The following ENPP1 variants were observed in gnomAD, a reference collection of about 807,000 sequenced individuals.
The protein encoded by ENPP1 is ectonucleotide pyrophosphatase/phosphodiesterase 1, also known as ectonucleotide pyrophosphatase/phosphodiesterase family member 1.
ENPP1 carries 73 observed loss-of-function variants against 122.8 expected under a neutral mutation model. That is an observed-to-expected ratio of 0.59 (90% CI 0.49 to 0.72). The LOEUF (loss-of-function observed/expected upper bound fraction) is 0.72, where lower values mean the gene tolerates loss of function less well. ENPP1 is among the 30% of genes least tolerant of loss of function. The pLI, the probability that ENPP1 is intolerant of heterozygous loss-of-function variation, is 0.00. For synonymous variants in ENPP1, 367 were observed against 391.6 expected, an observed-to-expected ratio of 0.94 and a Z score of 0.74; for missense variants, 978 against 1,128.1, an observed-to-expected ratio of 0.87 and a Z score of 1.91.
intron 2 of ENPP1, among the ~76,000 whole-genome samples, chr6:131,848,553 T>C (rs1238056081): frequency 6.6e-6 from 1 of 152,188 alleles, no homozygotes; most frequent in Non-Finnish European, 1.5e-5. Flanking sequence ...TATTAAGCTA[T>C]CATGTACTGT....
At chr6:131,828,376 T>C in intron 1 of ENPP1, 1 of 393,150 alleles carries the variant, frequency 2.5e-6, no homozygotes, top group South Asian at 2.5e-5. Flanking sequence ...TGACTGGGTG[T>C]CTGCTAGTAA....
In ENPP1 at chr6:131,886,543, A is replaced by AT; in HGVS notation, c.2445-18dup. The AT allele has an allele frequency of 6.3e-7, 1 of 1,584,188 alleles. No homozygotes were observed. The highest frequency in any genetic ancestry group is 8.7e-7 in the Non-Finnish European group (1 of 1,153,284). On this transcript the variant is annotated intron_variant, in intron 23 of 24. Transcript: ENST00000647893. ...GATAGTTATTTCTTTCTTAAAATGA[A>AT]TATTGGCATGTTTTACAGAAAAAGA...
At position 131,891,413 on chromosome 6, in the gene ENPP1, G is replaced by A. The variant is rs572823916; in HGVS notation, c.*902G>A. The A allele has an allele frequency of 6.6e-6, 1 of 152,236 alleles. No homozygotes were observed. The highest frequency in any genetic ancestry group is 1.9e-4 in the East Asian group (1 of 5,172). 9.4% of individuals were successfully genotyped at this position (152,236 alleles called of 1,614,324 possible). A position where few individuals can be genotyped will look rare whatever the true frequency, so the allele number is the denominator to read the frequency against. On this transcript the variant is annotated 3_prime_UTR_variant, in exon 25 of 25. Coordinates refer to ENST00000647893, the MANE Select transcript of ENPP1 (RefSeq NM_006208.3). ...CACAAGACTTACCCTACCAGCAGCA[G>A]AGCCATTCTCTGTTGAGTGGTTCAT...
intron 10 of ENPP1, 52 bp from the exon 11 acceptor site, chr6:131,864,814 C>T: frequency 8.4e-7 from 1 of 1,183,682 alleles, no homozygotes; most frequent in South Asian, 1.2e-5. Context: ...TTTTTCCATT[C>T]TGTTTTTCAA....
At chr6:131,887,725 A>ATTTTTTT (rs757759048) in intron 24 of ENPP1, among the ~76,000 whole-genome samples, 137 of 114,828 alleles carry the variant, frequency 1.2e-3, no homozygotes, top group Middle Eastern at 5.1e-3. Flanking sequence ...CACCCGGCTA[A>ATTTTTTT]TTTTTTTTTT....
intron 7 of ENPP1, among the ~76,000 whole-genome samples, chr6:131,859,118 G>A (rs1781984628): frequency 6.6e-6 from 1 of 152,110 alleles, no homozygotes; most frequent in East Asian, 1.9e-4. Flanking sequence ...TAATCATCTT[G>A]ATGATGAATT....
chr6:131,856,555 G>T (rs1385752940), intron 6 of ENPP1, among the ~76,000 whole-genome samples: 16 of 143,972 alleles, frequency 1.1e-4, no homozygotes, highest in Non-Finnish European at 1.5e-5. Flanking sequence ...TGGACATGAA[G>T]TCCTTGCCCA....
At chr6:131,852,268 T>C in intron 5 of ENPP1, 33 bp downstream of exon 5, 2 of 1,384,664 alleles carry the variant, frequency 1.4e-6, no homozygotes, top group African/African-American at 1.4e-5. Flanking sequence ...TAATTTTTTC[T>C]TTTTTAGAAG....
In ENPP1 at chr6:131,875,989, T is replaced by C. The variant is rs1016442425; in HGVS notation, c.1723+126T>C. ...GAGGCAAGACAGATTTTTACCTTCT[T>C]CCTGACTCTCAGACTCACTGAAGAA... On this transcript the variant is annotated intron_variant, in intron 17 of 24. Coordinates refer to ENST00000647893, the MANE Select transcript of ENPP1 (RefSeq NM_006208.3). 3 of 743,546 alleles carry C rather than the reference T, an allele frequency of 4.0e-6. No homozygotes were observed. The African/African-American group carries it at 5.2e-5, about 13-fold the overall frequency. 46.1% of individuals were successfully genotyped at this position (743,546 alleles called of 1,614,324 possible). A position where few individuals can be genotyped will look rare whatever the true frequency, so the allele number is the denominator to read the frequency against.
At chr6:131,884,557 A>T (rs528842129) in intron 22 of ENPP1, among the ~76,000 whole-genome samples, 1 of 152,322 alleles carries the variant, frequency 6.6e-6, no homozygotes, top group East Asian at 1.9e-4. Context: ...GGACTGCTTG[A>T]GGCCAGGAGT....
At chr6:131,861,745 C>A in intron 9 of ENPP1, 41 bp downstream of exon 9, 3 of 1,089,282 alleles carry the variant, frequency 2.8e-6, no homozygotes, top group Non-Finnish European at 4.3e-6. Flanking sequence ...TAATATAGAA[C>A]AGCTTATTCT....
chr6:131,821,243 C>G (rs1410987236), intron 1 of ENPP1, among the ~76,000 whole-genome samples: 1 of 152,186 alleles, frequency 6.6e-6, no homozygotes, highest in African/African-American at 2.4e-5. Context: ...TATCAGCACT[C>G]CATAAGGCTA....
intron 13 of ENPP1, among the ~76,000 whole-genome samples, chr6:131,869,869 A>G (rs1443293990): frequency 6.6e-6 from 1 of 151,598 alleles, no homozygotes; most frequent in Non-Finnish European, 1.5e-5. Context: ...AAAAAAAAAA[A>G]AAAAAAAGAA....
At chr6:131,832,797 A>G (rs1781630368) in intron 1 of ENPP1, among the ~76,000 whole-genome samples, 1 of 152,070 alleles carries the variant, frequency 6.6e-6, no homozygotes, top group East Asian at 1.9e-4. Context: ...CTGTGCACGG[A>G]ATGGTTGGGA....
intron 20 of ENPP1, among the ~76,000 whole-genome samples, chr6:131,881,753 C>G (rs1319754806): frequency 6.6e-6 from 1 of 151,760 alleles, no homozygotes; most frequent in Non-Finnish European, 1.5e-5. Context: ...CGTGGTGGGT[C>G]ACACCTGTAA....
chr6:131,840,573 C>T (rs553752169), intron 1 of ENPP1, among the ~76,000 whole-genome samples: 29 of 152,260 alleles, frequency 1.9e-4, no homozygotes, highest in Non-Finnish European at 4.1e-4. Flanking sequence ...TTGTACATTC[C>T]GCCGAAGGCT....
intron 11 of ENPP1, among the ~76,000 whole-genome samples, chr6:131,866,177 T>C (rs1318998665): frequency 6.6e-6 from 1 of 152,110 alleles, no homozygotes; most frequent in African/African-American, 2.4e-5. Flanking sequence ...ATCCCTCCTG[T>C]CAGAATCCTT....
chr6:131,841,290 G>T (rs891363456), intron 1 of ENPP1, among the ~76,000 whole-genome samples: 1 of 152,158 alleles, frequency 6.6e-6, no homozygotes, highest in African/African-American at 2.4e-5. Context: ...ACGAAATCCC[G>T]TGAAGACTCC....
In ENPP1 at chr6:131,891,847, T is replaced by C. The variant is rs1782475907; in HGVS notation, c.*1336T>C. The stretch of plus-strand genomic sequence containing the variant: ...CTCTGTTGTTCAGATTAGGTAATTT[T>C]ATTCTTCTGTCTCGAAGCTCACTGA... On this transcript the variant is annotated 3_prime_UTR_variant, in exon 25 of 25. Coordinates refer to ENST00000647893, the MANE Select transcript of ENPP1 (RefSeq NM_006208.3). The C allele has an allele frequency of 6.6e-6, 1 of 152,030 alleles. No individual in the cohort carries two copies. Among genetic ancestry groups the C allele is most frequent in the Non-Finnish European group, 1.5e-5 (1 of 68,022 alleles). The allele number at this position is 152,030 out of a possible 1,614,324, so 9.4% of individuals were successfully genotyped here. A position where few individuals can be genotyped will look rare whatever the true frequency, so the allele number is the denominator to read the frequency against.
Sources: gnomAD v4.1 joint callset for allele counts (sites outside exome capture counted in the v4.1 genomes callset) on GRCh38, gnomAD v4.1.1 for gene constraint, MANE v1.5 for transcripts, NCBI Gene and HGNC (gene_info 2026-07-23, HGNC 2026-07-21) for gene names.